Variants in PCDHA2 observed in about 807,000 individuals in gnomAD.
The protein encoded by PCDHA2 is protocadherin alpha 2, also known as protocadherin alpha-2.
Under a neutral mutation model 66.0 loss-of-function variants are expected in PCDHA2, and 58 were observed. The observed-to-expected ratio is 0.88, with a 90% confidence interval of 0.71 to 1.09. The LOEUF is 1.09. Ranked by LOEUF, PCDHA2 falls within the 50% of genes least tolerant of loss-of-function variation. The pLI, the probability that PCDHA2 is intolerant of heterozygous loss-of-function variation, is 0.00. For missense variants in PCDHA2, 1,267 were observed against 1,242.3 expected, an observed-to-expected ratio of 1.02 and a Z score of -0.30; for synonymous variants, 634 against 554.0, an observed-to-expected ratio of 1.14 and a Z score of -2.03.
chr5:140,943,131 G>T (rs1360196674), intron 1 of PCDHA2, among the ~76,000 whole-genome samples: 1 of 151,626 alleles, frequency 6.6e-6, no homozygotes, highest in Non-Finnish European at 1.5e-5. Flanking sequence ...GGTAGTGGGT[G>T]CCTGTAGTCC....
intron 1 of PCDHA2, chr5:140,849,014 C>T: frequency 1.3e-6 from 2 of 1,590,086 alleles, no homozygotes; most frequent in East Asian, 2.2e-5. Flanking sequence ...ACAGACTGAG[C>T]CCCAATGAGT....
At chr5:140,876,033 T>A in intron 1 of PCDHA2, 1 of 1,613,668 alleles carries the variant, frequency 6.2e-7, no homozygotes, top group South Asian at 1.1e-5. Context: ...CAAAAAAAGA[T>A]AAAAGTATAT....
intron 1 of PCDHA2, among the ~76,000 whole-genome samples, chr5:140,949,115 T>G (rs2094346093): frequency 6.6e-6 from 1 of 151,756 alleles, no homozygotes; most frequent in African/African-American, 2.4e-5. Context: ...TACAAATATT[T>G]TTGGTTTTCC....
chr5:140,871,130 A>T, intron 1 of PCDHA2: 1 of 1,613,360 alleles, frequency 6.2e-7, no homozygotes, highest in Non-Finnish European at 8.5e-7. Context: ...CAGGCGCCAA[A>T]GGCCTCTTCC....
At chr5:140,844,210 G>A (rs2150369516) in intron 1 of PCDHA2, among the ~76,000 whole-genome samples, 22 of 149,554 alleles carry the variant, frequency 1.5e-4, no homozygotes, top group African/African-American at 5.4e-4. Context: ...GTGTCTGGTA[G>A]TCACAAATAT....
In PCDHA2 at chr5:141,007,573, TA is replaced by T. The variant is rs1265481031; in HGVS notation, c.2537-2048del. Among the ~76,000 whole-genome samples, 3 of 151,796 alleles carry T rather than the reference TA, an allele frequency of 2.0e-5. No homozygotes were observed. The East Asian group carries it at 5.8e-4, about 29-fold the overall frequency. On this transcript the variant is annotated intron_variant, in intron 3 of 3. Coordinates refer to ENST00000526136, the MANE Select transcript of PCDHA2 (RefSeq NM_018905.3). ...ACAGAGCAAGGCTCTATCTCAAATTTAAAAAATAATAATCATGATAATAATA... is the reference window on the plus strand; with the variant it reads ...ACAGAGCAAGGCTCTATCTCAAATTTAAAAATAATAATCATGATAATAATA...
chr5:140,807,713 G>A (rs782799049), intron 1 of PCDHA2: 4 of 1,614,204 alleles, frequency 2.5e-6, no homozygotes, highest in Non-Finnish European at 3.4e-6. Flanking sequence ...GAGCCCAAAT[G>A]AATACTTTTC....
In PCDHA2 at chr5:140,840,930, C is replaced by T. The variant is rs2150310156; in HGVS notation, c.2388+43578C>T. Among the ~76,000 whole-genome samples the T allele has an allele frequency of 2.0e-5, 3 of 151,804 alleles. No homozygotes were observed. The South Asian group carries it at 6.2e-4, about 32-fold the overall frequency. On this transcript the variant is annotated intron_variant, in intron 1 of 3. Transcript: ENST00000526136. ...TACTTAAATTTATTATTAATTGATACGATATTTGAAATATTGGGAAGAAAT... is the reference window on the plus strand; with the variant it reads ...TACTTAAATTTATTATTAATTGATATGATATTTGAAATATTGGGAAGAAAT...
intron 1 of PCDHA2, chr5:140,816,177 G>A (rs1429127020): frequency 1.3e-5 from 2 of 152,054 alleles, no homozygotes; most frequent in African/African-American, 4.8e-5. Context: ...AATTTCTTAG[G>A]CTTTCTTTAC....
At chr5:140,884,977 A>C (rs782168505) in intron 1 of PCDHA2, among the ~76,000 whole-genome samples, 19 of 152,222 alleles carry the variant, frequency 1.2e-4, no homozygotes, top group Admixed American at 5.2e-4. Context: ...GAGAACTTAA[A>C]CATTTAGAAA....
chr5:140,887,245 C>T (rs1200820177), intron 1 of PCDHA2, among the ~76,000 whole-genome samples: 2 of 151,924 alleles, frequency 1.3e-5, no homozygotes, highest in East Asian at 1.9e-4. Context: ...TACCGGCGCC[C>T]GCCACCACGC....
intron 1 of PCDHA2, among the ~76,000 whole-genome samples, chr5:140,891,360 G>T (rs2063061562): frequency 6.6e-6 from 1 of 151,060 alleles, no homozygotes; most frequent in Admixed American, 6.6e-5. Context: ...CATCACCTGA[G>T]CAGTATACAT....
At chr5:140,862,618 C>CCG in intron 1 of PCDHA2, 1 of 526,556 alleles carries the variant, frequency 1.9e-6, no homozygotes, top group Non-Finnish European at 3.9e-6. Context: ...AGGTAACAAC[C>CCG]CGCGGGGCTG....
intron 1 of PCDHA2, chr5:140,822,534 T>G (rs2150117075): frequency 6.2e-7 from 1 of 1,613,922 alleles, no homozygotes; most frequent in Non-Finnish European, 8.5e-7. Context: ...TGTTGGAAAA[T>G]GCACCAAGTG....
chr5:140,834,708 A>G lies in PCDHA2; in HGVS notation c.2388+37356A>G. ...GGAGTGCAGCATCCACCTGGAGGTG[A>G]TCGTGGAAAGGCCGCTGCAGGTTTT... On this transcript the variant is annotated intron_variant, in intron 1 of 3. Coordinates refer to ENST00000526136, the MANE Select transcript of PCDHA2 (RefSeq NM_018905.3). The G allele has an allele frequency of 2.5e-6, 4 of 1,614,234 alleles. No individual in the cohort carries two copies. In the South Asian group the frequency reaches 3.3e-5, roughly 13 times the overall value.
chr5:140,809,745 C>T, intron 1 of PCDHA2: 1 of 670,750 alleles, frequency 1.5e-6, no homozygotes, highest in Middle Eastern at 4.2e-4. Context: ...ATATATATTG[C>T]CTTCCTTCAT....
chr5:140,979,949 A>G (rs1554241287), intron 2 of PCDHA2, among the ~76,000 whole-genome samples: 2 of 152,248 alleles, frequency 1.3e-5, no homozygotes, highest in African/African-American at 4.8e-5. Context: ...TTAATGTGAA[A>G]TTAGTTTTAG....
At chr5:140,963,346 A>G (rs2095758163) in intron 1 of PCDHA2, among the ~76,000 whole-genome samples, 1 of 152,236 alleles carries the variant, frequency 6.6e-6, no homozygotes, top group Non-Finnish European at 1.5e-5. Flanking sequence ...TTGTAAATTT[A>G]GTTCTTTTCA....
chr5:140,929,101 A>G (rs1554206680), intron 1 of PCDHA2: 3 of 1,614,242 alleles, frequency 1.9e-6, no homozygotes, highest in Admixed American at 1.7e-5. Flanking sequence ...AAATCCTTGC[A>G]TGACATCAGC....
Sources: gnomAD v4.1 joint callset for allele counts (sites outside exome capture counted in the v4.1 genomes callset) on GRCh38, gnomAD v4.1.1 for gene constraint, MANE v1.5 for transcripts, NCBI Gene and HGNC (gene_info 2026-07-23, HGNC 2026-07-21) for gene names.